Variants in RIPOR2 observed in about 807,000 individuals in gnomAD.
RIPOR2 encodes rho family-interacting cell polarization regulator 2.
Under a neutral mutation model 114.5 loss-of-function variants are expected in RIPOR2, and 39 were observed. That is an observed-to-expected ratio of 0.34 (90% CI 0.26 to 0.44). The LOEUF (loss-of-function observed/expected upper bound fraction) is 0.44. Ranked by LOEUF, RIPOR2 falls within the 20% of genes least tolerant of loss-of-function variation. The probability of loss-of-function intolerance (pLI) is 1.00; values close to 1 mark genes in which losing one functional copy is unlikely to be tolerated. For missense variants in RIPOR2, 1,007 were observed against 1,255.1 expected, an observed-to-expected ratio of 0.80 and a Z score of 2.99; for synonymous variants, 445 against 484.4, an observed-to-expected ratio of 0.92 and a Z score of 1.07.
chr6:24,865,634 A>C (rs1469769106), intron 6 of RIPOR2, among the ~76,000 whole-genome samples, 184 bp from the exon 7 acceptor site: 5 of 152,214 alleles, frequency 3.3e-5, no homozygotes, highest in Non-Finnish European at 7.3e-5. Context: ...ATTTTGTCTC[A>C]AAACAGATTT....
At chr6:24,886,622 AG>A (rs1766860936) in intron 1 of RIPOR2, among the ~76,000 whole-genome samples, 2 of 152,204 alleles carry the variant, frequency 1.3e-5, no homozygotes, top group Admixed American at 6.5e-5. Context: ...CTTGTGATAA[AG>A]AGTCAGACTA....
chr6:24,852,359 G>A (rs929901936), intron 9 of RIPOR2, among the ~76,000 whole-genome samples: 2 of 152,042 alleles, frequency 1.3e-5, no homozygotes, highest in Non-Finnish European at 2.9e-5. Flanking sequence ...TGATGACAGA[G>A]CAAATGTGGC....
rs1430252032 is a variant in RIPOR2 at position 24,883,951 on chromosome 6, TAA to T, written c.62-8136_62-8135del. ...CTGAAAGAGGCATGTGGGCCAGATGTAAATAGCCTGCTATGCAAAATAATTAT... is the reference window on the plus strand; with the variant it reads ...CTGAAAGAGGCATGTGGGCCAGATGTATAGCCTGCTATGCAAAATAATTAT... On this transcript the variant is annotated intron_variant, in intron 1 of 21. Transcript: ENST00000643898. This position sits in a 1 kb window ranked among gnomAD's most constrained non-coding sequence, Gnocchi z 4.1. Among the ~76,000 whole-genome samples, 1 of 152,212 alleles carries T rather than the reference TAA, an allele frequency of 6.6e-6. No individual in the cohort carries two copies. Among genetic ancestry groups the T allele is most frequent in the Non-Finnish European group, 1.5e-5 (1 of 68,036 alleles).
In RIPOR2 at chr6:24,842,908, A is replaced by C; in HGVS notation, c.1811T>G (p.Phe604Cys). The C allele has an allele frequency of 6.8e-7, 1 of 1,474,980 alleles. No individual in the cohort carries two copies. Among genetic ancestry groups the C allele is most frequent in the African/African-American group, 1.4e-5 (1 of 71,112 alleles). The allele number at this position is 1,474,980 out of a possible 1,614,324, so 91.4% of individuals were successfully genotyped here. ...LEPHKEQYKE[F>C]QDLNQEVMNL... ...CATGACTTCTTGGTTCAGATCCTGA[A>C]ACTCTTTATACTGCTCTTTATGTGG... The change falls in exon 13 of 22, where the codon TTT becomes TGT. Residue 604 changes from phenylalanine (F) to cysteine (C), a missense_variant. Coordinates refer to ENST00000643898, the MANE Select transcript of RIPOR2 (RefSeq NM_001286445.3).
In RIPOR2 at chr6:24,870,897, A is replaced by T; in HGVS notation, c.424-8T>A. On this transcript the variant is annotated splice_polypyrimidine_tract_variant and splice_region_variant and intron_variant, in intron 4 of 21. Coordinates refer to ENST00000643898, the MANE Select transcript of RIPOR2 (RefSeq NM_001286445.3). Reference sequence around the variant, plus strand: ...TAGGTCATACAGTACACCCTACAATAAAAAAAGGAATATCTGCATTTAAAC... The same window carrying T: ...TAGGTCATACAGTACACCCTACAATTAAAAAAGGAATATCTGCATTTAAAC... 1.3e-6 allele frequency: 2 copies of T among 1,566,622 alleles called. No individual in the cohort carries two copies. Among genetic ancestry groups the T allele is most frequent in the Non-Finnish European group, 1.7e-6 (2 of 1,150,546 alleles).
Position 24,849,891 on chromosome 6 carries a change from G to A in RIPOR2, c.945C>T (p.Thr315=), listed in dbSNP as rs1032414943. Residue 315 remains threonine, a synonymous_variant, in exon 11 of 22, where the codon ACC becomes ACT. Coordinates refer to ENST00000643898, the MANE Select transcript of RIPOR2 (RefSeq NM_001286445.3). ...HILVGSVTCE[T]KELFAARPQV... ...GAGGTCGGGCTGCAAACAGCTCTTT[G>A]GTCTCACAGGTCACGCTACCTACCA... The A allele has an allele frequency of 3.1e-6, 5 of 1,613,704 alleles. No individual in the cohort carries two copies. The African/African-American group carries it at 6.7e-5, about 22-fold the overall frequency.
chr6:24,818,936 G>A (rs1562215365), intron 19 of RIPOR2, among the ~76,000 whole-genome samples: 1 of 151,726 alleles, frequency 6.6e-6, no homozygotes, highest in African/African-American at 2.4e-5. Context: ...ACCAAGTAAC[G>A]AGGAAGGCAA....
chr6:24,986,930 A>G (rs931614726), intron 1 of RIPOR2, among the ~76,000 whole-genome samples: 1 of 151,928 alleles, frequency 6.6e-6, no homozygotes, highest in African/African-American at 2.4e-5. Flanking sequence ...AAAAAAAAAA[A>G]AAATTGCAAA....
chr6:24,955,880 G>C (rs1158610518), intron 1 of RIPOR2, among the ~76,000 whole-genome samples: 2 of 151,156 alleles, frequency 1.3e-5, no homozygotes, highest in Non-Finnish European at 3.0e-5. Flanking sequence ...GTGGTGGCAG[G>C]TGCCTGTAAT....
chr6:24,869,327 T>C (rs1431037274), intron 5 of RIPOR2, among the ~76,000 whole-genome samples, 180 bp from the exon 6 acceptor site: 2 of 151,718 alleles, frequency 1.3e-5, no homozygotes, highest in South Asian at 4.2e-4. Flanking sequence ...TTTTTTTTTT[T>C]TTTTTTTGAG....
At chr6:25,041,702 GTC>G in intron 1 of RIPOR2, 1 of 590,328 alleles carries the variant, frequency 1.7e-6, no homozygotes, top group South Asian at 2.0e-5. Context: ...AAATACCAAA[GTC>G]CATTGGAAAA....
intron 8 of RIPOR2, among the ~76,000 whole-genome samples, chr6:24,857,808 TG>T (rs1173112303): frequency 1.3e-5 from 2 of 152,222 alleles, no homozygotes; most frequent in African/African-American, 4.8e-5. Context: ...AGAACTAGTT[TG>T]CTCTAAGGAA....
chr6:24,914,502 T>C lies in RIPOR2; in HGVS notation c.61+21336A>G, dbSNP rs1016273734. 8.5e-5 allele frequency among the ~76,000 whole-genome samples: 13 copies of C among 152,296 alleles called. No homozygotes were observed. In the East Asian group the frequency reaches 9.6e-4, roughly 11 times the overall value. Reference sequence around the variant, plus strand: ...TGTAGAGCCTGGCGATGAGGACAGTTGTAAATAAGTGGGATGGTGAATTAC... The same window carrying C: ...TGTAGAGCCTGGCGATGAGGACAGTCGTAAATAAGTGGGATGGTGAATTAC... On this transcript the variant is annotated intron_variant, in intron 1 of 21. Transcript: ENST00000643898.
chr6:24,923,674 C>T (rs1420921423), intron 1 of RIPOR2, among the ~76,000 whole-genome samples: 1 of 151,978 alleles, frequency 6.6e-6, no homozygotes, highest in African/African-American at 2.4e-5. Context: ...GTGAAATCCC[C>T]TCTCTACTAA....
At chr6:25,023,635 T>G (rs186964188) in intron 1 of RIPOR2, 1 of 763,170 alleles carries the variant, frequency 1.3e-6, no homozygotes, top group Non-Finnish European at 2.4e-6. Context: ...GGATGGTGCC[T>G]GCTGGGGTCT....
chr6:24,841,774 T>C (rs1466671129), intron 13 of RIPOR2, among the ~76,000 whole-genome samples: 1 of 152,102 alleles, frequency 6.6e-6, no homozygotes, highest in Non-Finnish European at 1.5e-5. Context: ...TGTGCCACCA[T>C]GCCCAGCTAA....
chr6:24,922,029 C>T (rs568550418), intron 1 of RIPOR2, among the ~76,000 whole-genome samples: 1 of 152,014 alleles, frequency 6.6e-6, no homozygotes, highest in East Asian at 1.9e-4. Flanking sequence ...TGGAGTTTCA[C>T]CATGTTGGCC....
At chr6:24,905,614 C>T (rs896649441) in intron 1 of RIPOR2, among the ~76,000 whole-genome samples, 2 of 152,160 alleles carry the variant, frequency 1.3e-5, no homozygotes, top group Non-Finnish European at 2.9e-5. Context: ...ACAGCTAAGG[C>T]CAAAGCCAAG....
Position 24,935,827 on chromosome 6 carries a change from G to A in RIPOR2, c.61+11C>T. On this transcript the variant is annotated intron_variant, in intron 1 of 21. Transcript: ENST00000643898. ...AGACCGGAGAGCCTCCTGCCAGAAA[G>A]ATGCATTTACCTTCACCAAAAACAT... The A allele has an allele frequency of 6.5e-7, 1 of 1,530,878 alleles. No homozygotes were observed. 94.8% of individuals were successfully genotyped at this position (1,530,878 alleles called of 1,614,324 possible).
Sources: allele counts gnomAD v4.1 joint callset (sites outside exome capture counted in the v4.1 genomes callset), GRCh38; gene constraint gnomAD v4.1.1; non-coding constraint Gnocchi (gnomAD v3.1); transcripts MANE v1.5; gene names NCBI Gene and HGNC (gene_info 2026-07-23, HGNC 2026-07-21).